Variants in RTKN2 observed in about 807,000 individuals in gnomAD.
RTKN2 encodes the protein rhotekin 2.
RTKN2 carries 69 observed loss-of-function variants against 71.5 expected under a neutral mutation model. The observed-to-expected ratio is 0.96, with a 90% CI of 0.79 to 1.18. The LOEUF is 1.18. RTKN2 is among the 50% of genes most tolerant of loss of function. The pLI is 0.00. For synonymous variants in RTKN2, 236 were observed against 236.5 expected (o/e 1.00, Z 0.02); for missense variants, 724 against 719.7 (o/e 1.01, Z -0.07).
intron 5 of RTKN2, among the ~76,000 whole-genome samples, chr10:62,237,390 G>A (rs1045182938): frequency 6.6e-6 from 1 of 151,890 alleles, no homozygotes; most frequent in Admixed American, 6.6e-5. Context: ...ATCTCTCAGT[G>A]TTTATTTAGC....
At chr10:62,200,241 T>C (rs1841412963) in intron 10 of RTKN2, among the ~76,000 whole-genome samples, 2 of 151,458 alleles carry the variant, frequency 1.3e-5, no homozygotes, top group South Asian at 4.2e-4. Context: ...CAGGTGGCTG[T>C]AGTCCCCGCT....
In RTKN2 at chr10:62,196,529, T is replaced by C. The variant is rs1184519614; in HGVS notation, c.*1379A>G. The C allele has an allele frequency of 1.0e-6, 1 of 985,276 alleles. No individual in the cohort carries two copies. Among genetic ancestry groups the C allele is most frequent in the Non-Finnish European group, 1.2e-6 (1 of 829,890 alleles). 61.0% of individuals were successfully genotyped at this position (985,276 alleles called of 1,614,324 possible). ...TCTGAAAATAATGAAAGGCTCCATTTAAATTAATGTGGTTTTTTGGTCAAG... is the reference window on the plus strand; with the variant it reads ...TCTGAAAATAATGAAAGGCTCCATTCAAATTAATGTGGTTTTTTGGTCAAG... On this transcript the variant is annotated 3_prime_UTR_variant, in exon 12 of 12. Coordinates refer to ENST00000373789, the MANE Select transcript of RTKN2 (RefSeq NM_145307.4).
intron 10 of RTKN2, among the ~76,000 whole-genome samples, chr10:62,203,554 A>T (rs2132822244): frequency 1.3e-5 from 2 of 152,310 alleles, no homozygotes; most frequent in South Asian, 4.1e-4. Context: ...CATGTTGGTC[A>T]GGCTGGTCTC....
rs190210331 is a variant in RTKN2, at chr10:62,197,392, A to T, written c.*516T>A. On this transcript the variant is annotated 3_prime_UTR_variant, in exon 12 of 12. Transcript: ENST00000373789. Reference sequence around the variant, plus strand: ...AAAAGGTCAGGCCTATAAACTAGTGAGTTAAACAATAGATGAGAGCCAGTG... The same window carrying T: ...AAAAGGTCAGGCCTATAAACTAGTGTGTTAAACAATAGATGAGAGCCAGTG... The T allele has an allele frequency of 1.0e-6, 1 of 986,076 alleles. No individual in the cohort carries two copies. The highest frequency in any genetic ancestry group is 6.1e-5 in the Admixed American group (1 of 16,296). 61.1% of individuals were successfully genotyped at this position (986,076 alleles called of 1,614,324 possible).
At chr10:62,237,786 C>T (rs1842289087) in intron 5 of RTKN2, among the ~76,000 whole-genome samples, 1 of 150,932 alleles carries the variant, frequency 6.6e-6, no homozygotes, top group East Asian at 1.9e-4. Flanking sequence ...AGCATGAACT[C>T]CTTGAGAATG....
At position 62,236,140 on chromosome 10, in the gene RTKN2, A is replaced by G. The variant is rs1564517535; in HGVS notation, c.612T>C (p.Ala204=). 1 of 1,612,742 alleles carries G rather than the reference A, an allele frequency of 6.2e-7. No homozygotes were observed. The highest frequency in any genetic ancestry group is 8.5e-7 in the Non-Finnish European group (1 of 1,179,154). Residue 204 remains alanine, a synonymous_variant, in exon 6 of 12, where the codon GCT becomes GCC. Coordinates refer to ENST00000373789, the MANE Select transcript of RTKN2 (RefSeq NM_145307.4). The part of the protein sequence containing the change: ...AKKLKTSISK[A]TGKKISSVLQ... ...GCACTGAACTTATTTTCTTTCCTGT[A>G]GCTTTACTTATAGATGTCTTGAGTT...
chr10:62,206,611 A>C (rs1841553938), intron 9 of RTKN2, among the ~76,000 whole-genome samples: 1 of 152,082 alleles, frequency 6.6e-6, no homozygotes, highest in African/African-American at 2.4e-5. Context: ...CATCTTAGAG[A>C]CAGTCTATCC....
intron 9 of RTKN2, among the ~76,000 whole-genome samples, chr10:62,208,520 A>G (rs889359322): frequency 1.3e-5 from 2 of 152,230 alleles, no homozygotes; most frequent in Admixed American, 1.3e-4. Context: ...TGACTAGAAT[A>G]GCAATGGCAA....
chr10:62,188,427 T>C (rs73280299), downstream of RTKN2, among the ~76,000 whole-genome samples: 3,124 of 152,272 alleles, frequency 0.021, 101 homozygotes, highest in African/African-American at 0.07. Flanking sequence ...ATCACTTCCA[T>C]TATATTCTCT....
intron 8 of RTKN2, chr10:62,184,421 AC>A (rs1250527529): frequency 8.5e-7 from 1 of 1,181,040 alleles, no homozygotes; most frequent in South Asian, 1.4e-5. Flanking sequence ...TTAGTCACCC[AC>A]AGAGGTAAAG....
chr10:62,236,055 T>G lies in RTKN2; in HGVS notation c.686+11A>C, dbSNP rs1272112931. The G allele has an allele frequency of 1.3e-6, 2 of 1,575,418 alleles. No individual in the cohort carries two copies. The highest frequency in any genetic ancestry group is 3.4e-5 in the Admixed American group (2 of 59,608). On this transcript the variant is annotated intron_variant, in intron 6 of 11. Transcript: ENST00000373789. ...AATTATGTCACCATAAATACAGTAT[T>G]AAAAACTTACAAAACAGCAGAGCTG...
chr10:62,224,407 A>T (rs1270592177), intron 6 of RTKN2, among the ~76,000 whole-genome samples: 4 of 152,190 alleles, frequency 2.6e-5, no homozygotes, highest in Non-Finnish European at 5.9e-5. Flanking sequence ...GTTTATCTCT[A>T]TACTTTGTCA....
At position 62,196,264 on chromosome 10, in the gene RTKN2, T is replaced by A; in HGVS notation, c.*1644A>T. On this transcript the variant is annotated 3_prime_UTR_variant, in exon 12 of 12. Transcript: ENST00000373789. ...ACAGAAACTTATGAGAGCCTTCTAGTTAGAAAAAATAAGTTTACTTTTTAA... is the reference window on the plus strand; with the variant it reads ...ACAGAAACTTATGAGAGCCTTCTAGATAGAAAAAATAAGTTTACTTTTTAA... The A allele has an allele frequency of 2.1e-6, 2 of 975,524 alleles. No homozygotes were observed. The highest frequency in any genetic ancestry group is 2.4e-6 in the Non-Finnish European group (2 of 821,080). 60.4% of individuals were successfully genotyped at this position (975,524 alleles called of 1,614,324 possible).
intron 6 of RTKN2, among the ~76,000 whole-genome samples, chr10:62,224,093 AT>A (rs1841968683): frequency 6.6e-6 from 1 of 152,206 alleles, no homozygotes; most frequent in Non-Finnish European, 1.5e-5. Flanking sequence ...TAAGCCAGTC[AT>A]AAAAGGACAA....
intron 6 of RTKN2, among the ~76,000 whole-genome samples, chr10:62,234,771 A>G (rs1345642443): frequency 6.6e-6 from 1 of 152,150 alleles, no homozygotes; most frequent in Non-Finnish European, 1.5e-5. Context: ...ATCCATAATG[A>G]AATAATAAAT....
At chr10:62,227,773 C>T (rs570473137) in intron 6 of RTKN2, among the ~76,000 whole-genome samples, 27 of 152,272 alleles carry the variant, frequency 1.8e-4, no homozygotes, top group African/African-American at 5.5e-4. Context: ...CTGCAACTGA[C>T]CAGGCAAGAG....
intron 6 of RTKN2, among the ~76,000 whole-genome samples, chr10:62,233,703 A>AT (rs1842198479): frequency 6.6e-6 from 1 of 152,130 alleles, no homozygotes; most frequent in South Asian, 2.1e-4. Context: ...TGTAAAATGT[A>AT]TTTTTTTAGC....
chr10:62,221,934 G>A (rs1414953062), intron 7 of RTKN2, among the ~76,000 whole-genome samples: 4 of 152,086 alleles, frequency 2.6e-5, no homozygotes, highest in African/African-American at 9.7e-5. Flanking sequence ...TCAAAGTTTA[G>A]ATCAAATAGG....
intron 2 of RTKN2, among the ~76,000 whole-genome samples, chr10:62,250,128 T>C (rs562191312): frequency 2.6e-5 from 4 of 152,280 alleles, no homozygotes; most frequent in Admixed American, 6.5e-5. Context: ...GCCTTGCATA[T>C]AAGAATGAGG....
Sources: allele counts gnomAD v4.1 joint callset (sites outside exome capture counted in the v4.1 genomes callset), GRCh38; gene constraint gnomAD v4.1.1; transcripts MANE v1.5; gene names NCBI Gene and HGNC (gene_info 2026-07-23, HGNC 2026-07-21).